VTI1A: variants seen among roughly 807,000 people sequenced by gnomAD.
VTI1A encodes vesicle transport through interaction with t-SNAREs 1A, also known as vesicle transport through interaction with t-SNAREs homolog 1A.
VTI1A carries 22 observed loss-of-function variants against 34.9 expected under a neutral mutation model. The ratio of observed to expected loss-of-function variants is 0.63; its 90% CI spans 0.45 to 0.90. The LOEUF is 0.90. VTI1A is among the 40% of genes least tolerant of loss of function. The pLI, the probability that VTI1A is intolerant of heterozygous loss-of-function variation, is 0.00. For missense variants in VTI1A, 268 were observed against 275.6 expected (o/e 0.97, Z 0.20); for synonymous variants, 87 against 97.3 (o/e 0.89, Z 0.62).
intron 7 of VTI1A, among the ~76,000 whole-genome samples, chr10:112,774,505 C>T (rs1037099795): frequency 1.3e-5 from 2 of 152,144 alleles, no homozygotes; most frequent in African/African-American, 4.8e-5. Context: ...AACCAGTCTC[C>T]AAGGGGAAAG....
intron 7 of VTI1A, among the ~76,000 whole-genome samples, chr10:112,736,107 GTGTGTATATATATATATA>G (rs1850447010): frequency 9.9e-6 from 1 of 100,878 alleles, no homozygotes; most frequent in Non-Finnish European, 2.0e-5. Flanking sequence ...ATATATGTGT[GTGTGTATATATATATATA>G]TATATATATA....
At chr10:112,846,780 AAAG>A in the VTI1A span, among the ~76,000 whole-genome samples, 37 of 151,968 alleles carry the variant, frequency 2.4e-4, no homozygotes, top group African/African-American at 8.7e-4. Context: ...AAAAAAAAAA[AAAG>A]AAAAAAGAAA....
At chr10:112,713,829 G>A (rs1464168263) in intron 7 of VTI1A, among the ~76,000 whole-genome samples, 1 of 152,130 alleles carries the variant, frequency 6.6e-6, no homozygotes, top group African/African-American at 2.4e-5. Context: ...ATAAAGAGGG[G>A]GAAAATGCTG....
intron 7 of VTI1A, among the ~76,000 whole-genome samples, chr10:112,745,583 G>A (rs1850867579): frequency 6.6e-6 from 1 of 152,170 alleles, no homozygotes; most frequent in Non-Finnish European, 1.5e-5. Flanking sequence ...CTGTGGACAT[G>A]TGAATCTATC....
In VTI1A at chr10:112,815,837, A is replaced by AC. The variant is rs530048886; in HGVS notation, c.*458dup. On this transcript the variant is annotated 3_prime_UTR_variant, in exon 8 of 8. Transcript: ENST00000393077. ...CAAAAAGCAGGGGATGGAGTCAGTG[A>AC]CCCCGTCCAGCAAGCCAGCCCTGTT... is the stretch of plus-strand genomic sequence containing the variant. 178 of 249,334 alleles carry AC rather than the reference A, an allele frequency of 7.1e-4. 1 individual carries two copies. Among genetic ancestry groups the AC allele is most frequent in the African/African-American group, 3.6e-3 (163 of 45,650 alleles). The allele number at this position is 249,334 out of a possible 1,614,324, so 15.4% of individuals were successfully genotyped here. A position where few individuals can be genotyped will look rare whatever the true frequency, so the allele number is the denominator to read the frequency against.
At chr10:112,788,708 A>G (rs944317034) in intron 7 of VTI1A, among the ~76,000 whole-genome samples, 59 of 151,920 alleles carry the variant, frequency 3.9e-4, no homozygotes, top group Admixed American at 2.7e-3. Flanking sequence ...CCATTTTGCT[A>G]TTTGTTTTCT....
chr10:112,768,139 T>C (rs117248629), intron 7 of VTI1A, among the ~76,000 whole-genome samples: 13 of 152,294 alleles, frequency 8.5e-5, no homozygotes, highest in South Asian at 2.1e-4. Flanking sequence ...CCTGCAGATA[T>C]TGGAAAAGAG....
chr10:112,478,352 C>T (rs182684318), intron 3 of VTI1A, among the ~76,000 whole-genome samples: 24 of 152,184 alleles, frequency 1.6e-4, no homozygotes, highest in Non-Finnish European at 2.8e-4. Flanking sequence ...TGGGAAAATG[C>T]GAGGGTCAAA....
intron 1 of VTI1A, among the ~76,000 whole-genome samples, chr10:112,448,117 A>G (rs970883098): frequency 1.2e-4 from 19 of 152,198 alleles, no homozygotes; most frequent in African/African-American, 4.6e-4. Flanking sequence ...TAAATGGGGG[A>G]AAATTGTACT....
At chr10:112,675,679 T>C (rs762876017) in intron 7 of VTI1A, among the ~76,000 whole-genome samples, 3 of 152,252 alleles carry the variant, frequency 2.0e-5, no homozygotes, top group Non-Finnish European at 4.4e-5. Flanking sequence ...ACAAGTGTCA[T>C]TGTTAGGAAA....
intron 7 of VTI1A, among the ~76,000 whole-genome samples, chr10:112,777,696 G>A (rs1412179726): frequency 5.9e-5 from 9 of 152,226 alleles, no homozygotes; most frequent in Non-Finnish European, 1.3e-4. Context: ...AGAGGCCTCC[G>A]TTTCCCGGAC....
At chr10:112,674,506 A>G (rs1460234646) in intron 7 of VTI1A, among the ~76,000 whole-genome samples, 3 of 152,126 alleles carry the variant, frequency 2.0e-5, no homozygotes, top group East Asian at 1.9e-4. Flanking sequence ...GGAGTTGCTT[A>G]TATGTTTCTC....
At chr10:112,685,784 T>C (rs1469716658) in intron 7 of VTI1A, among the ~76,000 whole-genome samples, 1 of 152,202 alleles carries the variant, frequency 6.6e-6, no homozygotes, top group African/African-American at 2.4e-5. Context: ...CTGCTTGATA[T>C]GCTCGCCTCT....
At chr10:112,554,094 T>C (rs1851462550) in intron 5 of VTI1A, among the ~76,000 whole-genome samples, 1 of 152,226 alleles carries the variant, frequency 6.6e-6, no homozygotes, top group Non-Finnish European at 1.5e-5. Flanking sequence ...GAGTCCGATA[T>C]CATCTGCTTT....
intron 5 of VTI1A, among the ~76,000 whole-genome samples, chr10:112,583,843 A>G (rs533494067): frequency 6.6e-6 from 1 of 152,328 alleles, no homozygotes; most frequent in African/African-American, 2.4e-5. Context: ...CAAAAGTACA[A>G]AAATGGTACA....
intron 5 of VTI1A, among the ~76,000 whole-genome samples, chr10:112,643,691 G>A (rs565109598): frequency 2.6e-5 from 4 of 152,220 alleles, no homozygotes; most frequent in South Asian, 2.1e-4. Flanking sequence ...CATAAGCTAC[G>A]AAAGACTTCA....
At chr10:112,702,425 G>A (rs940718140) in intron 7 of VTI1A, among the ~76,000 whole-genome samples, 2 of 152,050 alleles carry the variant, frequency 1.3e-5, no homozygotes, top group African/African-American at 4.8e-5. Context: ...TTGCTTGTTC[G>A]TTTGTTTGTT....
chr10:112,654,579 A>T lies in VTI1A; in HGVS notation c.428-13639A>T, dbSNP rs1847158942. Among the ~76,000 whole-genome samples the T allele has an allele frequency of 5.9e-5, 9 of 151,814 alleles. No individual in the cohort carries two copies. In the South Asian group the frequency reaches 1.9e-3, roughly 32 times the overall value. On this transcript the variant is annotated intron_variant, in intron 5 of 7. Coordinates refer to ENST00000393077, the MANE Select transcript of VTI1A (RefSeq NM_145206.4). Reference sequence around the variant, plus strand: ...ACAGTCTCGACTCACTGCAAGCTCCACCTCCTGGGTTCACGCCATTCTCCT... The same window carrying T: ...ACAGTCTCGACTCACTGCAAGCTCCTCCTCCTGGGTTCACGCCATTCTCCT...
In VTI1A at chr10:112,696,854, G is replaced by A. The variant is rs143092481; in HGVS notation, c.560+27856G>A. 1.1e-4 allele frequency among the ~76,000 whole-genome samples: 17 copies of A among 152,290 alleles called. No homozygotes were observed. In the East Asian group the frequency reaches 3.1e-3, roughly 28 times the overall value. ...GTGAAGAAATCATTAAGTGACACAAGTGAACAGGAAAAGAGAAGTATTCAA... is the reference window on the plus strand; with the variant it reads ...GTGAAGAAATCATTAAGTGACACAAATGAACAGGAAAAGAGAAGTATTCAA... On this transcript the variant is annotated intron_variant, in intron 7 of 7. Coordinates refer to ENST00000393077, the MANE Select transcript of VTI1A (RefSeq NM_145206.4).
Sources: allele counts gnomAD v4.1 joint callset (sites outside exome capture counted in the v4.1 genomes callset), GRCh38; gene constraint gnomAD v4.1.1; transcripts MANE v1.5; gene names NCBI Gene and HGNC (gene_info 2026-07-23, HGNC 2026-07-21).